Variants in SGCZ observed in about 807,000 individuals in gnomAD.
SGCZ encodes sarcoglycan zeta.
A neutral mutation model predicts 41.3 loss-of-function variants in SGCZ; 40 were observed. The ratio of observed to expected loss-of-function variants is 0.97; its 90% CI spans 0.75 to 1.26. The LOEUF is 1.26. Ranked by LOEUF, SGCZ falls within the 50% of genes most tolerant of loss-of-function variation. SGCZ has a pLI of 0.00. For synonymous variants in SGCZ, 206 were observed against 137.5 expected (o/e 1.50, Z -3.49); for missense variants, 552 against 369.8 (o/e 1.49, Z -4.04).
chr8:15,201,846 T>A (rs984735901), intron 1 of SGCZ, among the ~76,000 whole-genome samples: 1 of 152,194 alleles, frequency 6.6e-6, no homozygotes, highest in Non-Finnish European at 1.5e-5. Context: ...CTGACATCTC[T>A]ATTTTTTCAG....
At chr8:14,150,392 A>G (rs1031555772) in intron 5 of SGCZ, among the ~76,000 whole-genome samples, 1 of 152,180 alleles carries the variant, frequency 6.6e-6, no homozygotes, top group Admixed American at 6.5e-5. Context: ...TCTCAAAAGA[A>G]AACACACACA....
At chr8:14,680,854 A>G (rs1808419698) in intron 1 of SGCZ, among the ~76,000 whole-genome samples, 1 of 151,722 alleles carries the variant, frequency 6.6e-6, no homozygotes, top group East Asian at 1.9e-4. Context: ...GATGAAATAT[A>G]TACTGGACAG....
chr8:14,569,593 T>A (rs1267515227), intron 1 of SGCZ, among the ~76,000 whole-genome samples: 1 of 152,246 alleles, frequency 6.6e-6, no homozygotes, highest in Non-Finnish European at 1.5e-5. Flanking sequence ...TCATGGGGTC[T>A]ACATTCTCTT....
At chr8:14,505,225 G>T (rs188646233) in intron 2 of SGCZ, among the ~76,000 whole-genome samples, 2 of 152,046 alleles carry the variant, frequency 1.3e-5, no homozygotes, top group Admixed American at 1.3e-4. Flanking sequence ...CTCTGCATAT[G>T]GTTTATTGAA....
At chr8:14,955,892 G>T (rs1425874398) in intron 1 of SGCZ, among the ~76,000 whole-genome samples, 1 of 151,964 alleles carries the variant, frequency 6.6e-6, no homozygotes, top group African/African-American at 2.4e-5. Context: ...AACAAGAGTT[G>T]TTCATTTTAA....
Position 15,217,286 on chromosome 8 carries a change from G to A in SGCZ, c.39+20299C>T, listed in dbSNP as rs1482281323. Among the ~76,000 whole-genome samples, 72 of 151,518 alleles carry A rather than the reference G, an allele frequency of 4.8e-4. 1 individual carries two copies. The highest frequency in any genetic ancestry group is 1.5e-3 in the African/African-American group (64 of 41,372). On this transcript the variant is annotated intron_variant, in intron 1 of 7. Coordinates refer to ENST00000382080, the MANE Select transcript of SGCZ (RefSeq NM_139167.4). ...CAAAAAATTAGCCGGGCGTGTTGGCGGGCGCCTGTAGTCCCAGCTACTTGG... is the reference window on the plus strand; with the variant it reads ...CAAAAAATTAGCCGGGCGTGTTGGCAGGCGCCTGTAGTCCCAGCTACTTGG...
chr8:14,875,257 G>T (rs551360293), intron 1 of SGCZ, among the ~76,000 whole-genome samples: 3 of 152,138 alleles, frequency 2.0e-5, no homozygotes, highest in Non-Finnish European at 2.9e-5. Flanking sequence ...GGTCAAGAGG[G>T]TACTTCCTTT....
intron 1 of SGCZ, among the ~76,000 whole-genome samples, chr8:15,030,204 G>C (rs867510228): frequency 1.3e-5 from 2 of 152,240 alleles, no homozygotes; most frequent in Middle Eastern, 6.8e-3. Context: ...TGATTCATAA[G>C]GGGTTATCTA....
chr8:14,357,867 T>C (rs547445464), intron 2 of SGCZ, among the ~76,000 whole-genome samples: 1 of 152,328 alleles, frequency 6.6e-6, no homozygotes, highest in South Asian at 2.1e-4. Context: ...AGTCGACCAC[T>C]GTACCCTGCA....
chr8:14,761,801 A>G (rs1474452869), intron 1 of SGCZ, among the ~76,000 whole-genome samples: 1 of 152,136 alleles, frequency 6.6e-6, no homozygotes, highest in Non-Finnish European at 1.5e-5. Flanking sequence ...CTGGGATTAC[A>G]GGTGTGAAGG....
intron 1 of SGCZ, among the ~76,000 whole-genome samples, chr8:14,753,008 T>C (rs937552497): frequency 2.0e-5 from 3 of 151,878 alleles, no homozygotes; most frequent in African/African-American, 4.9e-5. Flanking sequence ...TTTCATTCTA[T>C]GGAAACTCTC....
At chr8:14,564,751 C>T (rs1386091378) in intron 1 of SGCZ, among the ~76,000 whole-genome samples, 3 of 152,020 alleles carry the variant, frequency 2.0e-5, no homozygotes, top group Admixed American at 6.5e-5. Flanking sequence ...ACTTTCCATA[C>T]CAGAAAGGCA....
At chr8:14,571,379 TA>T (rs1804548063) in intron 1 of SGCZ, among the ~76,000 whole-genome samples, 1 of 152,172 alleles carries the variant, frequency 6.6e-6, no homozygotes. Flanking sequence ...AATGTTGCTG[TA>T]ATCAAACCAA....
At chr8:14,401,329 C>T (rs976127498) in intron 2 of SGCZ, among the ~76,000 whole-genome samples, 2 of 150,980 alleles carry the variant, frequency 1.3e-5, no homozygotes, top group Non-Finnish European at 2.9e-5. Flanking sequence ...GGTACATGTG[C>T]ACATTGTGCA....
chr8:14,733,423 G>C (rs1798931964), intron 1 of SGCZ, among the ~76,000 whole-genome samples: 2 of 152,088 alleles, frequency 1.3e-5, no homozygotes, highest in African/African-American at 4.8e-5. Context: ...CTTGGTTCTA[G>C]AAATCGGTGC....
rs535143358 is a variant in SGCZ at position 14,256,209 on chromosome 8, G to C, written c.337-18530C>G. 2.0e-5 allele frequency among the ~76,000 whole-genome samples: 3 copies of C among 152,112 alleles called. No individual in the cohort carries two copies. In the South Asian group the frequency reaches 6.2e-4, roughly 32 times the overall value. ...TTTTTACCATAACCTTGGAGCCCAG[G>C]ATTTACTTTAATAAATTCATTAAAA... is the stretch of plus-strand genomic sequence containing the variant. On this transcript the variant is annotated intron_variant, in intron 3 of 7. Transcript: ENST00000382080.
intron 1 of SGCZ, among the ~76,000 whole-genome samples, chr8:15,135,967 C>G (rs1563144423): frequency 6.6e-6 from 1 of 152,156 alleles, no homozygotes; most frequent in Non-Finnish European, 1.5e-5. Context: ...TTATGCAGAA[C>G]TTTCTTTTAA....
intron 1 of SGCZ, among the ~76,000 whole-genome samples, chr8:14,976,922 C>T (rs914432462): frequency 3.9e-5 from 6 of 152,194 alleles, no homozygotes; most frequent in Non-Finnish European, 8.8e-5. Flanking sequence ...ATTTGAGTGA[C>T]GTACATTGTT....
intron 2 of SGCZ, among the ~76,000 whole-genome samples, chr8:14,347,008 A>T (rs1802910869): frequency 1.3e-5 from 2 of 152,042 alleles, no homozygotes. Context: ...GCTTATCCTA[A>T]CATTTATTAT....
Sources: gnomAD v4.1 joint callset for allele counts (sites outside exome capture counted in the v4.1 genomes callset) on GRCh38, gnomAD v4.1.1 for gene constraint, MANE v1.5 for transcripts, NCBI Gene and HGNC (gene_info 2026-07-23, HGNC 2026-07-21) for gene names.